C4orf50: variants seen among roughly 807,000 people sequenced by gnomAD.
The protein encoded by C4orf50 is uncharacterized protein C4orf50.
In C4orf50, 80 loss-of-function variants were observed where a neutral mutation model predicts 77.2. The ratio of observed to expected loss-of-function variants is 1.04; its 90% confidence interval spans 0.87 to 1.25. The LOEUF is 1.25. C4orf50 is among the 50% of genes most tolerant of loss of function. The pLI is 0.00. For synonymous variants in C4orf50, 532 were observed against 465.3 expected, an observed-to-expected ratio of 1.14 and a Z score of -1.84; for missense variants, 1,257 against 1,152.9, an observed-to-expected ratio of 1.09 and a Z score of -1.31.
chr4:5,906,426 G>A (rs972033179), intron 7 of C4orf50, among the ~76,000 whole-genome samples: 1 of 152,184 alleles, frequency 6.6e-6, no homozygotes, highest in South Asian at 2.1e-4. Flanking sequence ...AATACAGGCT[G>A]GGAGGGGCTC....
rs1044114569 is a variant in C4orf50 at position 5,901,494 on chromosome 4, C to G, written c.*2475-3306G>C. 2.3e-4 allele frequency: 35 copies of G among 152,216 alleles called. No homozygotes were observed. The highest frequency in any genetic ancestry group is 8.4e-4 in the African/African-American group (35 of 41,448). 9.4% of individuals were successfully genotyped at this position (152,216 alleles called of 1,614,324 possible). ...GGTCTTAAACCCTAACCTGTTTCTC[C>G]TACATCGGGTGGTCTCTGTCATCTC... On this transcript the variant is annotated intron_variant, in intron 7 of 7. Coordinates refer to the C4orf50 transcript ENST00000324058. This position sits in a 1 kb window ranked among gnomAD's most constrained non-coding sequence, Gnocchi z 4.4.
rs1722653563 is a variant in C4orf50, at chr4:6,015,591, T to G, written c.287+2554A>C. 6.6e-6 allele frequency among the ~76,000 whole-genome samples: 1 copy of G among 152,110 alleles called. No homozygotes were observed. The highest frequency in any genetic ancestry group is 2.4e-5 in the African/African-American group (1 of 41,412). Reference sequence around the variant, plus strand: ...CATTCTCCCCATGTCTGTGTGGGCTTTCTCGGGGTACCCTGGTCTCCTCCT... The same window carrying G: ...CATTCTCCCCATGTCTGTGTGGGCTGTCTCGGGGTACCCTGGTCTCCTCCT... On this transcript the variant is annotated intron_variant, in intron 23 of 33. Transcript: ENST00000531445. This position sits in a 1 kb window ranked among gnomAD's most constrained non-coding sequence, Gnocchi z 4.4.
At chr4:5,926,960 C>A (rs1170006201) in intron 7 of C4orf50, among the ~76,000 whole-genome samples, 1 of 152,148 alleles carries the variant, frequency 6.6e-6, no homozygotes, top group Admixed American at 6.5e-5. Flanking sequence ...TATAGAAGTT[C>A]CTGCTCTTAT....
chr4:5,980,024 T>A (rs982118319), intron 29 of C4orf50, 150 bp downstream of exon 7: 1 of 484,662 alleles, frequency 2.1e-6, no homozygotes, highest in Non-Finnish European at 3.6e-6. Flanking sequence ...TGTTTTTTTT[T>A]TCCTGGTACT....
chr4:5,923,331 T>C (rs753980088), intron 7 of C4orf50: 7 of 154,332 alleles, frequency 4.5e-5, no homozygotes, highest in Non-Finnish European at 1.0e-4. Flanking sequence ...GAAACAGTGA[T>C]GGCAATGAGC....
At chr4:5,980,062 G>T (rs28572583) in intron 29 of C4orf50, 112 bp downstream of exon 7, 1 of 768,276 alleles carries the variant, frequency 1.3e-6, no homozygotes, top group Non-Finnish European at 2.0e-6. Flanking sequence ...TCCAGTACCT[G>T]CTCCCAACTG....
At chr4:6,014,632 T>G (rs1235836105) in intron 23 of C4orf50, among the ~76,000 whole-genome samples, 7 of 152,206 alleles carry the variant, frequency 4.6e-5, no homozygotes, top group African/African-American at 1.7e-4. Flanking sequence ...TGCTCAGAAT[T>G]GTGCTTTCAG....
intron 25 of C4orf50, among the ~76,000 whole-genome samples, chr4:5,997,874 T>C (rs971209656): frequency 3.9e-5 from 6 of 152,210 alleles, no homozygotes. Context: ...TTTTTATAGC[T>C]AACTAATATT....
Position 5,965,268 on chromosome 4 carries a change from A to G in C4orf50, c.4154-123T>C, listed in dbSNP as rs1719504684. On this transcript the variant is annotated intron_variant, in intron 32 of 33. Transcript: ENST00000531445. ...CATTCCCAGATCATTCCCAGTTTCC[A>G]TGCCCCGGGGCAGAGGTCCTCTCAG... The G allele has an allele frequency of 2.9e-6, 3 of 1,043,000 alleles. No individual in the cohort carries two copies. In the Admixed American group the frequency reaches 8.3e-5, roughly 29 times the overall value. 64.6% of individuals were successfully genotyped at this position (1,043,000 alleles called of 1,614,324 possible).
intron 7 of C4orf50, among the ~76,000 whole-genome samples, chr4:5,939,400 C>G (rs1307002574): frequency 6.6e-6 from 1 of 152,152 alleles, no homozygotes; most frequent in Non-Finnish European, 1.5e-5. Flanking sequence ...CCAAAATGGT[C>G]TCCCTAAACT....
intron 25 of C4orf50, among the ~76,000 whole-genome samples, chr4:6,004,369 GTGATGGTGA>G (rs1722127368): frequency 2.5e-5 from 3 of 120,896 alleles, no homozygotes; most frequent in Non-Finnish European, 3.4e-5. Context: ...GGTGATGATG[GTGATGGTGA>G]TGATGGTGAT....
At chr4:5,934,944 C>A (rs1355126812) in intron 7 of C4orf50, among the ~76,000 whole-genome samples, 1 of 152,176 alleles carries the variant, frequency 6.6e-6, no homozygotes, top group Non-Finnish European at 1.5e-5. Flanking sequence ...GGCTGGGTGA[C>A]CCCAAGCAAG....
At chr4:5,979,020 T>C (rs1441050725) in intron 29 of C4orf50, among the ~76,000 whole-genome samples, 1 of 152,232 alleles carries the variant, frequency 6.6e-6, no homozygotes, top group Non-Finnish European at 1.5e-5. Context: ...TTTTCATCCA[T>C]TGACTTGTCC....
At chr4:5,984,394 G>A (rs1272059077) in intron 28 of C4orf50, among the ~76,000 whole-genome samples, 1 of 152,100 alleles carries the variant, frequency 6.6e-6, no homozygotes, top group African/African-American at 2.4e-5. Context: ...GGTGTTAGCA[G>A]CAAAAACAAA....
chr4:5,910,546 G>A (rs549373587), intron 7 of C4orf50, among the ~76,000 whole-genome samples: 1 of 152,190 alleles, frequency 6.6e-6, no homozygotes, highest in Non-Finnish European at 1.5e-5. Flanking sequence ...ATTATCTAGA[G>A]TGTGTCCTTG....
At chr4:5,912,906 C>A (rs1209038997) in intron 7 of C4orf50, among the ~76,000 whole-genome samples, 1 of 152,150 alleles carries the variant, frequency 6.6e-6, no homozygotes, top group Non-Finnish European at 1.5e-5. Context: ...GAAATGTTGG[C>A]TTGGTATGTT....
chr4:5,926,668 C>T (rs756906396), intron 7 of C4orf50, among the ~76,000 whole-genome samples: 92 of 152,012 alleles, frequency 6.1e-4, no homozygotes, highest in Middle Eastern at 6.8e-3. Context: ...TACCTGTGTC[C>T]CCGGGCCCAC....
intron 25 of C4orf50, among the ~76,000 whole-genome samples, chr4:6,005,933 G>A (rs1235241782): frequency 6.6e-6 from 1 of 152,174 alleles, no homozygotes; most frequent in Non-Finnish European, 1.5e-5. Flanking sequence ...GAGATTGGGG[G>A]AAGAAGGACT....
chr4:5,909,738 C>A (rs189398113), intron 7 of C4orf50, among the ~76,000 whole-genome samples: 18 of 152,288 alleles, frequency 1.2e-4, no homozygotes, highest in Middle Eastern at 3.4e-3. Flanking sequence ...ATCCAGTTTC[C>A]CTAGCACCAT....
Sources: allele counts gnomAD v4.1 joint callset (sites outside exome capture counted in the v4.1 genomes callset), GRCh38; gene constraint gnomAD v4.1.1; non-coding constraint Gnocchi (gnomAD v3.1); transcripts MANE v1.5; gene names NCBI Gene and HGNC (gene_info 2026-07-23, HGNC 2026-07-21).